PRKX: variants seen among roughly 807,000 people sequenced by gnomAD.
The protein encoded by PRKX is protein kinase cAMP-dependent X-linked catalytic subunit.
In PRKX, 12 loss-of-function variants were observed where a neutral mutation model predicts 22.0. The observed-to-expected ratio is 0.54, with a 90% CI of 0.35 to 0.88. PRKX has a LOEUF of 0.88. Ranked by LOEUF, PRKX falls within the 40% of genes least tolerant of loss-of-function variation. PRKX has a pLI of 0.01. For synonymous variants in PRKX, 134 were observed against 137.7 expected, an observed-to-expected ratio of 0.97 and a Z score of 0.19; for missense variants, 217 against 308.0, an observed-to-expected ratio of 0.70 and a Z score of 2.21.
intron 1 of PRKX, among the ~76,000 whole-genome samples, chrX:3,711,691 C>A (rs1928792726): frequency 9.0e-6 from 1 of 111,104 alleles, no homozygotes; most frequent in Admixed American, 9.6e-5. Context: ...ACACACCCAG[C>A]TCTAAGATTA....
At chrX:3,674,166 C>T (rs1277238691) in intron 2 of PRKX, among the ~76,000 whole-genome samples, 1 of 111,162 alleles carries the variant, frequency 9.0e-6, no homozygotes, top group Admixed American at 9.6e-5. Flanking sequence ...ATCTCTCATC[C>T]ACAGTCAACC....
At chrX:3,634,066 A>G (rs1011922737) in intron 4 of PRKX, among the ~76,000 whole-genome samples, 8 of 109,862 alleles carry the variant, frequency 7.3e-5, no homozygotes, top group African/African-American at 2.7e-4. Flanking sequence ...GCTGGCCAAC[A>G]TGGCGAAACC....
intron 3 of PRKX, among the ~76,000 whole-genome samples, chrX:3,650,536 A>AAAG (rs1927304643): frequency 9.8e-6 from 1 of 101,956 alleles, no homozygotes; most frequent in African/African-American, 3.6e-5. Flanking sequence ...AAAAAAAAAA[A>AAAG]AAAAGAGAGA....
chrX:3,680,130 C>CTGTTGTTGT (rs34465309), intron 1 of PRKX, among the ~76,000 whole-genome samples: 74 of 107,924 alleles, frequency 6.9e-4, no homozygotes, highest in Middle Eastern at 4.7e-3. Flanking sequence ...ACATCCTGGC[C>CTGTTGTTGT]TGTTGTTGTT....
intron 4 of PRKX, among the ~76,000 whole-genome samples, chrX:3,630,671 AT>A (rs1438723382): frequency 8.9e-6 from 1 of 112,125 alleles, no homozygotes; most frequent in Non-Finnish European, 1.9e-5. Flanking sequence ...AGCAAGGCAC[AT>A]TTACATGGTG....
At position 3,615,886 on chromosome X, in the gene PRKX, C is replaced by A. The variant is rs1926410349; in HGVS notation, c.880G>T (p.Ala294Ser). 7 of 1,205,288 alleles carry A rather than the reference C, an allele frequency of 5.8e-6. No homozygotes were observed. Among genetic ancestry groups the A allele is most frequent in the Non-Finnish European group, 6.7e-6 (6 of 892,582 alleles). The change falls in exon 7 of 9, where the codon GCG becomes TCG. Residue 294 changes from alanine (A) to serine (S), a missense_variant. Physicochemically the swap from Ala to Ser is moderately conservative, Grantham distance 99. Coordinates refer to ENST00000262848, the MANE Select transcript of PRKX (RefSeq NM_005044.5). The part of the protein sequence containing the change: ...TRRLGNMKNG[A>S]NDVKHHRWFR... ...CACCGATGATGCTTCACATCATTCG[C>A]CCCGTTCTTCAAAAGAAACAACACA...
chrX:3,638,969 G>A (rs1424697275), intron 4 of PRKX, among the ~76,000 whole-genome samples: 1 of 100,860 alleles, frequency 9.9e-6, no homozygotes, highest in Non-Finnish European at 2.0e-5. Flanking sequence ...AAAGATCGTA[G>A]AGATAAAGAG....
At chrX:3,688,639 G>C (rs1235597422) in intron 1 of PRKX, among the ~76,000 whole-genome samples, 2 of 110,385 alleles carry the variant, frequency 1.8e-5, no homozygotes, top group South Asian at 3.9e-4. Flanking sequence ...GAAGCAGAAG[G>C]ATCACTTGAG....
chrX:3,668,803 G>A (rs1927788417), intron 2 of PRKX, among the ~76,000 whole-genome samples: 1 of 112,573 alleles, frequency 8.9e-6, no homozygotes, highest in Admixed American at 9.4e-5. Context: ...GAAGAGTGGG[G>A]CTGCAGGCTC....
chrX:3,652,133 C>T (rs1249592279), intron 3 of PRKX, among the ~76,000 whole-genome samples: 1 of 110,583 alleles, frequency 9.0e-6, no homozygotes, highest in Non-Finnish European at 1.9e-5. Flanking sequence ...AGACTACATA[C>T]TGGGGCCGGG....
At chrX:3,688,583 C>T (rs28594839) in intron 1 of PRKX, among the ~76,000 whole-genome samples, 1,869 of 109,475 alleles carry the variant, frequency 0.017, 139 homozygotes, top group African/African-American at 0.057. Context: ...TGGGTGGAGG[C>T]CAGGAGCAGT....
chrX:3,704,347 A>C lies in PRKX; in HGVS notation c.166+8741T>G, dbSNP rs7877445. On this transcript the variant is annotated intron_variant, in intron 1 of 8. Coordinates refer to ENST00000262848, the MANE Select transcript of PRKX (RefSeq NM_005044.5). ...CTGTCTTGCTCCTCCAGTAGGATAC[A>C]AGATTTGCTTCTGGGATTCTAAAGT... Among the ~76,000 whole-genome samples, 189 of 112,053 alleles carry C rather than the reference A, an allele frequency of 1.7e-3. 3 individuals are homozygous for C. Among genetic ancestry groups the C allele is most frequent in the African/African-American group, 5.9e-3 (182 of 30,783 alleles).
chrX:3,618,463 T>G lies in PRKX; in HGVS notation c.874-2571A>C, dbSNP rs781410843. ...CAAGACCCCAACTCTTAAAAACAAT[T>G]TTTTTCTTAGATCTTAAGTGTTCTC... On this transcript the variant is annotated intron_variant, in intron 6 of 8. Coordinates refer to ENST00000262848, the MANE Select transcript of PRKX (RefSeq NM_005044.5). Among the ~76,000 whole-genome samples, 78 of 3,926 alleles carry G rather than the reference T, an allele frequency of 0.02. 1 individual carries two copies. In the East Asian group the frequency reaches 0.4, roughly 20 times the overall value. 3.4% of individuals were successfully genotyped at this position (3,926 alleles called of 115,157 possible).
intron 2 of PRKX, among the ~76,000 whole-genome samples, chrX:3,659,717 GTTTTT>G (rs369338597): frequency 7.1e-5 from 2 of 28,039 alleles, no homozygotes; most frequent in African/African-American, 3.7e-4. Flanking sequence ...TGTTTTTTTT[GTTTTT>G]TTTTTTGTTT....
chrX:3,687,345 G>A (rs908112799), intron 1 of PRKX, among the ~76,000 whole-genome samples: 5 of 112,321 alleles, frequency 4.5e-5, no homozygotes, highest in East Asian at 5.6e-4. Flanking sequence ...TCCTCAGTAA[G>A]CAGATTAACT....
In PRKX at chrX:3,615,194, T is replaced by C. The variant is rs1195857207; in HGVS notation, c.951+621A>G. On this transcript the variant is annotated intron_variant, in intron 7 of 8. Transcript: ENST00000262848. ...CCACCACGCCTGGCTAATTTTGGTA[T>C]TTTCTGTAGAGGCGGGATTTCACCA... Among the ~76,000 whole-genome samples, 3 of 108,883 alleles carry C rather than the reference T, an allele frequency of 2.8e-5. No homozygotes were observed. In the Admixed American group the frequency reaches 3.0e-4, roughly 11 times the overall value. The allele number at this position is 108,883 out of a possible 115,157, so 94.6% of individuals were successfully genotyped here. A position where few individuals can be genotyped will look rare whatever the true frequency, so the allele number is the denominator to read the frequency against.
chrX:3,631,940 G>A (rs1211875141), intron 4 of PRKX, among the ~76,000 whole-genome samples: 2 of 112,308 alleles, frequency 1.8e-5, no homozygotes, highest in African/African-American at 3.2e-5. Context: ...TAACAGCAGC[G>A]TCAGGACATT....
Position 3,672,237 on chromosome X carries a change from A to C in PRKX, c.335+2361T>G, listed in dbSNP as rs1168989584. On this transcript the variant is annotated intron_variant, in intron 2 of 8. Transcript: ENST00000262848. The stretch of plus-strand genomic sequence containing the variant: ...TATACTTTTTTATATAAAAGATAAA[A>C]ATAAACCAACATAGGTAACTTTGAA... Among the ~76,000 whole-genome samples the C allele has an allele frequency of 8.1e-5, 9 of 111,226 alleles. 1 individual carries two copies. Among genetic ancestry groups the C allele is most frequent in the Admixed American group, 7.7e-4 (8 of 10,378 alleles).
chrX:3,702,882 A>G (rs1253944422), intron 1 of PRKX, among the ~76,000 whole-genome samples: 1 of 109,546 alleles, frequency 9.1e-6, no homozygotes, highest in Non-Finnish European at 1.9e-5. Context: ...CCTTTGTAGC[A>G]GTGGGGTCTT....
Sources: allele counts gnomAD v4.1 joint callset (sites outside exome capture counted in the v4.1 genomes callset), GRCh38; gene constraint gnomAD v4.1.1; transcripts MANE v1.5; gene names NCBI Gene and HGNC (gene_info 2026-07-23, HGNC 2026-07-21).